Variants in GRID2 observed in about 807,000 individuals in gnomAD.
The protein encoded by GRID2 is glutamate receptor ionotropic, delta-2.
In GRID2, 33 loss-of-function variants were observed where a neutral mutation model predicts 114.8. The observed-to-expected ratio is 0.29, with a 90% CI of 0.22 to 0.38. The LOEUF (loss-of-function observed/expected upper bound fraction) is 0.38. GRID2 is among the 10% of genes least tolerant of loss of function. The pLI, the probability that GRID2 is intolerant of heterozygous loss-of-function variation, is 1.00. For missense variants in GRID2, 1,184 were observed against 1,257.7 expected (o/e 0.94, Z 0.89); for synonymous variants, 505 against 449.9 (o/e 1.12, Z -1.55).
chr4:92,409,533 C>T (rs1400023792), intron 1 of GRID2, among the ~76,000 whole-genome samples: 2 of 152,128 alleles, frequency 1.3e-5, no homozygotes, highest in South Asian at 4.1e-4. Flanking sequence ...ATTTATAAGT[C>T]ACCATTTCAG....
chr4:93,673,800 C>G (rs1724626075), intron 14 of GRID2, among the ~76,000 whole-genome samples: 1 of 152,150 alleles, frequency 6.6e-6, no homozygotes, highest in South Asian at 2.1e-4. Context: ...TGACAGTTAA[C>G]AAAACTTATG....
intron 10 of GRID2, among the ~76,000 whole-genome samples, chr4:93,428,452 C>T (rs982109557): frequency 6.6e-6 from 1 of 151,868 alleles, no homozygotes; most frequent in South Asian, 2.1e-4. Flanking sequence ...ATCCATAGAT[C>T]GTATACTAAT....
chr4:92,436,408 A>G (rs1470741720), intron 1 of GRID2, among the ~76,000 whole-genome samples: 1 of 152,154 alleles, frequency 6.6e-6, no homozygotes, highest in Non-Finnish European at 1.5e-5. Context: ...TTAAATTATA[A>G]TCAATTTGTT....
chr4:93,330,963 C>T (rs1339869615), intron 8 of GRID2, among the ~76,000 whole-genome samples: 2 of 152,206 alleles, frequency 1.3e-5, no homozygotes, highest in Non-Finnish European at 1.5e-5. Context: ...ATTCTCATAG[C>T]TGTCTCCCTA....
intron 2 of GRID2, among the ~76,000 whole-genome samples, chr4:92,894,535 G>A (rs1490785994): frequency 6.6e-6 from 1 of 152,040 alleles, no homozygotes; most frequent in Non-Finnish European, 1.5e-5. Context: ...TATTTCAAAT[G>A]GAGAATATTG....
At chr4:92,982,332 C>T (rs904086773) in intron 2 of GRID2, among the ~76,000 whole-genome samples, 2 of 151,978 alleles carry the variant, frequency 1.3e-5, no homozygotes, top group Non-Finnish European at 2.9e-5. Flanking sequence ...ATGAATATTA[C>T]ATGTAAATTT....
At chr4:92,857,765 T>C (rs1476430813) in intron 2 of GRID2, among the ~76,000 whole-genome samples, 3 of 152,176 alleles carry the variant, frequency 2.0e-5, no homozygotes, top group Non-Finnish European at 4.4e-5. Flanking sequence ...AGATTTCCAA[T>C]GTAGATAGGA....
At chr4:92,759,212 C>A (rs1284943442) in intron 2 of GRID2, among the ~76,000 whole-genome samples, 8 of 152,092 alleles carry the variant, frequency 5.3e-5, no homozygotes. Context: ...AGGTAGTGAT[C>A]TTTTGGTAGA....
chr4:93,536,093 A>T (rs971004784), intron 13 of GRID2, among the ~76,000 whole-genome samples: 2 of 151,996 alleles, frequency 1.3e-5, no homozygotes, highest in South Asian at 4.1e-4. Flanking sequence ...ATATTGGTGG[A>T]TTGGAAGAAT....
At chr4:92,455,880 T>G in intron 1 of GRID2, among the ~76,000 whole-genome samples, 1 of 152,298 alleles carries the variant, frequency 6.6e-6, no homozygotes, top group African/African-American at 2.4e-5. Context: ...TTTGATTGAT[T>G]AATTACAGTG....
At chr4:92,968,696 T>G (rs1394445024) in intron 2 of GRID2, among the ~76,000 whole-genome samples, 1 of 151,880 alleles carries the variant, frequency 6.6e-6, no homozygotes, top group African/African-American at 2.4e-5. Context: ...AGTTTTTCTT[T>G]TTTTACTGCA....
intron 14 of GRID2, among the ~76,000 whole-genome samples, chr4:93,686,894 T>A (rs1237120598): frequency 6.6e-6 from 1 of 151,940 alleles, no homozygotes; most frequent in Non-Finnish European, 1.5e-5. Flanking sequence ...ACTATAAGGA[T>A]ACTGGTTTTA....
rs765525420 is a variant in GRID2 at position 93,075,362 on chromosome 4, A to G, written c.245-9633A>G. On this transcript the variant is annotated intron_variant, in intron 2 of 15. Transcript: ENST00000282020. ...AGCATAGTCCAAAAACCTTCAGGTT[A>G]TATTATTTTCAATTGTGAAAAACTG... Among the ~76,000 whole-genome samples, 5 of 152,210 alleles carry G rather than the reference A, an allele frequency of 3.3e-5. 1 individual carries two copies. Among genetic ancestry groups the G allele is most frequent in the Non-Finnish European group, 7.3e-5 (5 of 68,042 alleles).
intron 8 of GRID2, among the ~76,000 whole-genome samples, chr4:93,353,155 T>A (rs752716352): frequency 2.0e-4 from 30 of 152,002 alleles, no homozygotes; most frequent in Non-Finnish European, 4.0e-4. Context: ...AGGTAACACA[T>A]AGTAGTGAGC....
intron 2 of GRID2, among the ~76,000 whole-genome samples, chr4:92,954,234 C>CAT (rs543206675): frequency 6.9e-4 from 104 of 151,728 alleles, no homozygotes; most frequent in South Asian, 5.0e-3. Flanking sequence ...TATACACACA[C>CAT]ATATATATAT....
chr4:93,051,489 G>A (rs1460959761), intron 2 of GRID2, among the ~76,000 whole-genome samples: 1 of 151,958 alleles, frequency 6.6e-6, no homozygotes, highest in East Asian at 1.9e-4. Context: ...TTTATCAGAT[G>A]CTCTCTTCAT....
chr4:93,104,555 G>T lies in GRID2; in HGVS notation c.530-6193G>T, dbSNP rs556283918. Among the ~76,000 whole-genome samples, 52 of 152,106 alleles carry T rather than the reference G, an allele frequency of 3.4e-4. No homozygotes were observed. The South Asian group carries it at 9.4e-3, about 27-fold the overall frequency. ...TCCCACCTATGAGTGAGAACATGCG[G>T]TGTTTGGTTTTTTGTCCTTGCAATA... On this transcript the variant is annotated intron_variant, in intron 3 of 15. Coordinates refer to ENST00000282020, the MANE Select transcript of GRID2 (RefSeq NM_001510.4).
chr4:92,842,944 CA>C (rs1318141287), intron 2 of GRID2, among the ~76,000 whole-genome samples: 1 of 151,920 alleles, frequency 6.6e-6, no homozygotes, highest in African/African-American at 2.4e-5. Flanking sequence ...AAGTCAAAAC[CA>C]AAAAGAATTA....
In GRID2 at chr4:93,162,611, A is replaced by T. The variant is rs79009669; in HGVS notation, c.736-44793A>T. Among the ~76,000 whole-genome samples the T allele has an allele frequency of 1.5e-3, 226 of 152,064 alleles. 5 individuals are homozygous for T. In the East Asian group the frequency reaches 0.041, roughly 28 times the overall value. ...CCATAATTTATCATTATACAACTGG[A>T]CTAATGAATTTATTTTACAGGTACA... On this transcript the variant is annotated intron_variant, in intron 4 of 15. Transcript: ENST00000282020.
Sources: gnomAD v4.1 joint callset for allele counts (sites outside exome capture counted in the v4.1 genomes callset) on GRCh38, gnomAD v4.1.1 for gene constraint, MANE v1.5 for transcripts, NCBI Gene and HGNC (gene_info 2026-07-23, HGNC 2026-07-21) for gene names.